UBR4: variants seen among roughly 807,000 people sequenced by gnomAD.
The protein encoded by UBR4 is ubiquitin protein ligase E3 component n-recognin 4, also known as E3 ubiquitin-protein ligase UBR4.
In UBR4, 124 loss-of-function variants were observed where a neutral mutation model predicts 575.6. That is an observed-to-expected ratio of 0.22 (90% CI 0.19 to 0.25). The LOEUF (loss-of-function observed/expected upper bound fraction) is 0.25. Among genes scored for constraint, UBR4 ranks in the 10% least tolerant of loss-of-function variants. The pLI is 1.00. For missense variants in UBR4, 4,818 were observed against 6,478.8 expected (o/e 0.74, Z 8.80); for synonymous variants, 2,455 against 2,473.7 (o/e 0.99, Z 0.22).
intron 49 of UBR4, 27 bp downstream of exon 49, chr1:19,150,550 G>A: frequency 6.2e-7 from 1 of 1,610,632 alleles, no homozygotes; most frequent in South Asian, 1.1e-5. Flanking sequence ...TGTAAAAACT[G>A]AAGCCAACCC....
chr1:19,130,478 T>C (rs1322977743), intron 60 of UBR4, among the ~76,000 whole-genome samples: 4 of 152,204 alleles, frequency 2.6e-5, no homozygotes, highest in East Asian at 1.9e-4. Context: ...ATCATGCCAC[T>C]GCACTCCAGC....
chr1:19,176,141 T>G (rs1207976277), intron 20 of UBR4, among the ~76,000 whole-genome samples: 1 of 150,120 alleles, frequency 6.7e-6, no homozygotes, highest in Non-Finnish European at 1.5e-5. Context: ...CAGGCTGGAG[T>G]GCAGTGGTGC....
At chr1:19,189,333 T>G (rs1462017887) in intron 11 of UBR4, among the ~76,000 whole-genome samples, 1 of 152,214 alleles carries the variant, frequency 6.6e-6, no homozygotes, top group African/African-American at 2.4e-5. Context: ...CTTTTGGGAA[T>G]TCATCCCAAC....
rs547184925 is a variant in UBR4, at chr1:19,143,868, T to G, written c.8179+112A>C. The G allele has an allele frequency of 5.2e-5, 47 of 901,802 alleles. No individual in the cohort carries two copies. The African/African-American group carries it at 7.5e-4, about 14-fold the overall frequency. 55.9% of individuals were successfully genotyped at this position (901,802 alleles called of 1,614,324 possible). On this transcript the variant is annotated intron_variant, in intron 55 of 105. Coordinates refer to ENST00000375254, the MANE Select transcript of UBR4 (RefSeq NM_020765.3). ...TAGGATTAGAAAAAAGACAGATACA[T>G]AAAGTCTCCAGGACCTTGGTCAACA...
At chr1:19,103,103 A>C (rs2078814776) in intron 87 of UBR4, among the ~76,000 whole-genome samples, 1 of 152,224 alleles carries the variant, frequency 6.6e-6, no homozygotes, top group African/African-American at 2.4e-5. Context: ...TCCACAGATA[A>C]AGCTAAAAAA....
chr1:19,096,686 T>C (rs1209954362), intron 91 of UBR4, 36 bp from the exon 92 acceptor site: 5 of 1,611,328 alleles, frequency 3.1e-6, no homozygotes, highest in Non-Finnish European at 4.2e-6. Flanking sequence ...AAATGGAGGG[T>C]AAGGTGAAGA....
In UBR4 at chr1:19,184,158, G is replaced by A. The variant is rs773653317; in HGVS notation, c.1956C>T (p.Ser652=). ...KDPELFLGLA[S]NILNFITSSM... Reference sequence around the variant, plus strand: ...AAGAGGTGATGAAGTTCAAAATGTTGGAAGCCAGACCTAAGAACTGAAAGG... The same window carrying A: ...AAGAGGTGATGAAGTTCAAAATGTTAGAAGCCAGACCTAAGAACTGAAAGG... Residue 652 remains serine (S), a synonymous_variant, in exon 16 of 106, where the codon TCC becomes TCT. Coordinates refer to ENST00000375254, the MANE Select transcript of UBR4 (RefSeq NM_020765.3). 2 of 1,613,924 alleles carry A rather than the reference G, an allele frequency of 1.2e-6. No homozygotes were observed. Among genetic ancestry groups the A allele is most frequent in the Admixed American group, 1.7e-5 (1 of 59,980 alleles).
intron 11 of UBR4, among the ~76,000 whole-genome samples, chr1:19,188,912 T>G (rs1011836916): frequency 2.6e-5 from 4 of 152,152 alleles, no homozygotes; most frequent in African/African-American, 9.7e-5. Flanking sequence ...AAGGTTACAG[T>G]GAGCTATAAT....
intron 13 of UBR4, 123 bp from the exon 14 acceptor site, chr1:19,186,780 C>G (rs2091568737): frequency 2.5e-6 from 2 of 811,598 alleles, no homozygotes; most frequent in Non-Finnish European, 3.8e-6. Context: ...TAATAGCTCC[C>G]TTAATTAAGG....
At position 19,151,767 on chromosome 1, in the gene UBR4, C is replaced by T. The variant is rs185986383; in HGVS notation, c.7089G>A (p.Arg2363=). The change falls in exon 48 of 106, where the codon CGG becomes CGA. Residue 2363 remains arginine, a synonymous_variant. Coordinates refer to ENST00000375254, the MANE Select transcript of UBR4 (RefSeq NM_020765.3). The stretch of plus-strand genomic sequence containing the variant: ...CGAAGATCTCGATATATGACGGGGC[C>T]CGTTCTATTGCTTGAGTCCCAATCT... ...RIQIGTQAIE[R]APSYIEIFGR... is the part of the protein sequence containing the mutation. 1.2e-6 allele frequency: 2 copies of T among 1,614,160 alleles called. No homozygotes were observed. Among genetic ancestry groups the T allele is most frequent in the Admixed American group, 1.7e-5 (1 of 60,018 alleles).
At chr1:19,128,367 C>T (rs763046570) in intron 61 of UBR4, 49 bp from the exon 62 acceptor site, 16 of 1,526,642 alleles carry the variant, frequency 1.0e-5, no homozygotes, top group Admixed American at 3.4e-5. Context: ...TAAAGAAGAA[C>T]GACTTGAAAT....
chr1:19,078,118 C>A, intron 103 of UBR4, 52 bp from the exon 104 acceptor site: 1 of 1,579,564 alleles, frequency 6.3e-7, no homozygotes, highest in Non-Finnish European at 8.7e-7. Context: ...AGGATACTCA[C>A]AAGGACAGAG....
chr1:19,108,267 C>T (rs2079450136), intron 81 of UBR4, among the ~76,000 whole-genome samples: 2 of 152,160 alleles, frequency 1.3e-5, no homozygotes, highest in Non-Finnish European at 2.9e-5. Context: ...ATGCATTGGT[C>T]ATTTAGAAAA....
chr1:19,155,554 T>C lies in UBR4; in HGVS notation c.6187A>G (p.Ile2063Val), dbSNP rs778060455. The C allele has an allele frequency of 1.2e-6, 2 of 1,614,168 alleles. No individual in the cohort carries two copies. The highest frequency in any genetic ancestry group is 1.7e-6 in the Non-Finnish European group (2 of 1,180,022). ...FNEEGKNIIV[I>V]MSSAGYIYTQ... ...TAGATGTACCCAGCCGAAGACATTA[T>C]AACAATGATGTTCTTTCCCTCCTCA... is the stretch of plus-strand genomic sequence containing the variant. Residue 2063 changes from isoleucine to valine, a missense_variant, in exon 43 of 106, where the codon ATA (isoleucine) becomes GTA (valine). By Grantham distance (29) the Ile-to-Val change is conservative. Around this residue, in one of 29 missense-constraint regions of UBR4, gnomAD observed 461 missense variants for 606.9 expected, o/e 0.76. Transcript: ENST00000375254.
In UBR4 at chr1:19,100,636, A is replaced by G; in HGVS notation, c.13024-63T>C. 6.6e-7 allele frequency: 1 copy of G among 1,522,508 alleles called. No individual in the cohort carries two copies. Among genetic ancestry groups the G allele is most frequent in the Admixed American group, 1.7e-5 (1 of 59,244 alleles). The allele number at this position is 1,522,508 out of a possible 1,614,324, so 94.3% of individuals were successfully genotyped here. A position where few individuals can be genotyped will look rare whatever the true frequency, so the allele number is the denominator to read the frequency against. ...CAGAGGTGGAGATTTATACCATGCT[A>G]CCTTGTTCCATGGACACTCGAGGAA... On this transcript the variant is annotated intron_variant, in intron 88 of 105. Coordinates refer to ENST00000375254, the MANE Select transcript of UBR4 (RefSeq NM_020765.3). The surrounding 1 kb of genome is among the most constrained non-coding windows in gnomAD (Gnocchi z 4.2).
At chr1:19,119,000 G>C in intron 70 of UBR4, 43 bp from the exon 71 acceptor site, 1 of 1,591,700 alleles carries the variant, frequency 6.3e-7, no homozygotes, top group East Asian at 2.2e-5. Context: ...AGCCCAAGGT[G>C]AAGTCTTATT....
At chr1:19,124,990 G>A (rs1198662165) in intron 64 of UBR4, among the ~76,000 whole-genome samples, 1 of 151,838 alleles carries the variant, frequency 6.6e-6, no homozygotes, top group Non-Finnish European at 1.5e-5. Context: ...ATAAAGATGA[G>A]TGCTAGAAAG....
intron 2 of UBR4, among the ~76,000 whole-genome samples, chr1:19,200,655 G>A (rs1050473269): frequency 6.6e-6 from 1 of 152,040 alleles, no homozygotes; most frequent in African/African-American, 2.4e-5. Context: ...AAAATTTTAA[G>A]TATAACTTAA....
chr1:19,092,629 A>C (rs1193486955), intron 97 of UBR4, 190 bp downstream of exon 97: 3 of 514,786 alleles, frequency 5.8e-6, no homozygotes, highest in Admixed American at 7.0e-5. Context: ...GCCCCACTTA[A>C]GAATGAGTTG....
Sources: allele counts gnomAD v4.1 joint callset (sites outside exome capture counted in the v4.1 genomes callset), GRCh38; gene constraint gnomAD v4.1.1; regional missense constraint gnomAD v4.1.1; non-coding constraint Gnocchi (gnomAD v3.1); transcripts MANE v1.5; gene names NCBI Gene and HGNC (gene_info 2026-07-23, HGNC 2026-07-21).